Variants in DRG1 observed in about 807,000 individuals in gnomAD.
DRG1 encodes the protein developmentally regulated GTP binding protein 1.
A neutral mutation model predicts 38.8 loss-of-function variants in DRG1; 19 were observed. That is an observed-to-expected ratio of 0.49 (90% confidence interval 0.34 to 0.72). The LOEUF is 0.72. Ranked by LOEUF, DRG1 falls within the 30% of genes least tolerant of loss-of-function variation. DRG1 has a pLI of 0.01. For missense variants in DRG1, 299 were observed against 444.8 expected (o/e 0.67, Z 2.95); for synonymous variants, 167 against 157.5 (o/e 1.06, Z -0.45).
intron 8 of DRG1, among the ~76,000 whole-genome samples, chr22:31,430,836 A>G (rs1197514812): frequency 1.3e-5 from 2 of 151,540 alleles, no homozygotes; most frequent in Non-Finnish European, 1.5e-5. Flanking sequence ...CTCCTACCTC[A>G]GTTTCTGAAT....
rs544964030 is a variant in DRG1, at chr22:31,405,198, T to G, written c.342+1994T>G. On this transcript the variant is annotated intron_variant, in intron 3 of 8. Coordinates refer to ENST00000331457, the MANE Select transcript of DRG1 (RefSeq NM_004147.4). ...TTTTTTTTTTTTTTGAGACAGAGTC[T>G]TGCTGTGTCACCCAGGCTGGAGTGC... Among the ~76,000 whole-genome samples, 230 of 151,902 alleles carry G rather than the reference T, an allele frequency of 1.5e-3. 1 individual carries two copies. In the South Asian group the frequency reaches 0.016, roughly 10 times the overall value.
chr22:31,431,129 G>A, intron 8 of DRG1, among the ~76,000 whole-genome samples: 1 of 148,092 alleles, frequency 6.8e-6, no homozygotes, highest in Non-Finnish European at 1.5e-5. Flanking sequence ...CCGCCTCCCG[G>A]GTTCATGCCA....
At chr22:31,408,564 A>G (rs903596579) in intron 3 of DRG1, among the ~76,000 whole-genome samples, 3 of 151,592 alleles carry the variant, frequency 2.0e-5, no homozygotes, top group African/African-American at 4.8e-5. Context: ...CCTGGCCAAC[A>G]TGGTGAAAAC....
At chr22:31,420,562 T>C in intron 5 of DRG1, 137 bp downstream of exon 5, 1 of 1,092,612 alleles carries the variant, frequency 9.2e-7, no homozygotes, top group South Asian at 1.7e-5. Context: ...GACTTTATAA[T>C]GACTGACAAG....
intron 6 of DRG1, among the ~76,000 whole-genome samples, chr22:31,425,159 T>G (rs987699010): frequency 2.0e-5 from 3 of 152,102 alleles, no homozygotes; most frequent in African/African-American, 7.2e-5. Context: ...TTCCTTGCTT[T>G]TAAATTTAAT....
chr22:31,431,676 C>G (rs1339075390), intron 8 of DRG1, among the ~76,000 whole-genome samples: 2 of 152,108 alleles, frequency 1.3e-5, no homozygotes, highest in African/African-American at 4.8e-5. Flanking sequence ...CTCAAAAAAC[C>G]AACCAAAGAA....
intron 4 of DRG1, among the ~76,000 whole-genome samples, chr22:31,411,388 C>T (rs978425979): frequency 3.0e-4 from 45 of 152,066 alleles, no homozygotes; most frequent in African/African-American, 1.0e-3. Flanking sequence ...ATATGGCTGT[C>T]GTCTTGAGAT....
chr22:31,426,678 T>TATC lies in DRG1; in HGVS notation c.781_783dup (p.Ile261dup). The TATC allele has an allele frequency of 1.2e-6, 2 of 1,614,080 alleles. No individual in the cohort carries two copies. The highest frequency in any genetic ancestry group is 1.6e-4 in the Middle Eastern group (1 of 6,062). On this transcript the variant is annotated inframe_insertion, in exon 7 of 9. Transcript: ENST00000331457. ...ACCAAATCTCCATTGAGGAATTGGA[T>TATC]ATCATCTATAAGGTGCCTCACTGTG...
At chr22:31,403,316 A>G in intron 3 of DRG1, 112 bp downstream of exon 3, 2 of 1,150,266 alleles carry the variant, frequency 1.7e-6, no homozygotes, top group Non-Finnish European at 2.4e-6. Flanking sequence ...CCAGGCACTT[A>G]CTACCTGGTA....
intron 5 of DRG1, 128 bp from the exon 6 acceptor site, chr22:31,423,152 C>T: frequency 8.7e-7 from 1 of 1,152,178 alleles, no homozygotes; most frequent in Non-Finnish European, 1.2e-6. Flanking sequence ...CAGTGACACT[C>T]ATCCCGGATG....
At position 31,423,262 on chromosome 22, in the gene DRG1, T is replaced by C. The variant is rs1056689288; in HGVS notation, c.583-18T>C. On this transcript the variant is annotated intron_variant, in intron 5 of 8. Coordinates refer to ENST00000331457, the MANE Select transcript of DRG1 (RefSeq NM_004147.4). The stretch of plus-strand genomic sequence containing the variant: ...TTTTAAATTTTGTGCTGACTAGTCA[T>C]CTGCTATTCCCTTTCAGTGCCCCCA... 6.2e-7 allele frequency: 1 copy of C among 1,613,026 alleles called. No homozygotes were observed. The highest frequency in any genetic ancestry group is 8.5e-7 in the Non-Finnish European group (1 of 1,179,770).
intron 5 of DRG1, 144 bp from the exon 6 acceptor site, chr22:31,423,136 A>G (rs761116007): frequency 8.9e-6 from 9 of 1,006,104 alleles, no homozygotes; most frequent in Non-Finnish European, 1.2e-5. Flanking sequence ...ATTTCCTACT[A>G]AAAGTCAGTG....
At chr22:31,425,585 C>T (rs2050105667) in intron 6 of DRG1, among the ~76,000 whole-genome samples, 1 of 151,968 alleles carries the variant, frequency 6.6e-6, no homozygotes, top group African/African-American at 2.4e-5. Context: ...GGACTATGGG[C>T]GTGTGCCACC....
chr22:31,424,224 C>A (rs1349338741), intron 6 of DRG1, among the ~76,000 whole-genome samples: 3 of 151,760 alleles, frequency 2.0e-5, no homozygotes, highest in Non-Finnish European at 4.4e-5. Flanking sequence ...TCTCAGCTCA[C>A]TGTAACCTCC....
chr22:31,430,686 A>C (rs182676915), intron 8 of DRG1, among the ~76,000 whole-genome samples: 605 of 152,134 alleles, frequency 4.0e-3, no homozygotes, highest in African/African-American at 0.013. Context: ...GGCGTGAGCC[A>C]TCATGCCCGG....
chr22:31,421,891 C>G (rs13053841), intron 5 of DRG1, among the ~76,000 whole-genome samples: 8 of 151,780 alleles, frequency 5.3e-5, no homozygotes, highest in African/African-American at 1.9e-4. Context: ...CCGAGGTGGG[C>G]GGATCACAAG....
At position 31,427,173 on chromosome 22, in the gene DRG1, A is replaced by G. The variant is rs1188225160; in HGVS notation, c.995A>G (p.Glu332Gly). The G allele has an allele frequency of 3.7e-6, 6 of 1,614,070 alleles. No homozygotes were observed. Among genetic ancestry groups the G allele is most frequent in the Non-Finnish European group, 5.1e-6 (6 of 1,179,974 alleles). The change falls in exon 8 of 9, where the codon GAA (glutamate) becomes GGA (glycine). Residue 332 changes from glutamate (E) to glycine (G), a missense_variant. Transcript: ENST00000331457. Reference protein sequence around the residue: ...CMKIHKNLIKEFKYALVWGLS... With the variant: ...CMKIHKNLIKGFKYALVWGLS... ...AAGATTCACAAAAATCTTATCAAAG[A>G]ATTTAAATAGTAAGTATCATGGGCC...
chr22:31,404,074 C>T lies in DRG1; in HGVS notation c.342+870C>T, dbSNP rs187831175. 3.6e-3 allele frequency among the ~76,000 whole-genome samples: 516 copies of T among 144,466 alleles called. 1 individual carries two copies. The highest frequency in any genetic ancestry group is 4.2e-3 in the Non-Finnish European group (283 of 67,060). 94.8% of individuals were successfully genotyped at this position (144,466 alleles called of 152,430 possible). A position where few individuals can be genotyped will look rare whatever the true frequency, so the allele number is the denominator to read the frequency against. On this transcript the variant is annotated intron_variant, in intron 3 of 8. Coordinates refer to ENST00000331457, the MANE Select transcript of DRG1 (RefSeq NM_004147.4). ...TAGAGAGTTGCTTAACTCCTCTCCT[C>T]TTTCCCAGAAAACCTTCACTCATTT...
At chr22:31,425,527 A>C (rs2050105294) in intron 6 of DRG1, among the ~76,000 whole-genome samples, 1 of 150,682 alleles carries the variant, frequency 6.6e-6, no homozygotes, top group Non-Finnish European at 1.5e-5. Context: ...CGCAGCCTTG[A>C]ACTCCCGGGC....
Sources: allele counts gnomAD v4.1 joint callset (sites outside exome capture counted in the v4.1 genomes callset), GRCh38; gene constraint gnomAD v4.1.1; transcripts MANE v1.5; gene names NCBI Gene and HGNC (gene_info 2026-07-23, HGNC 2026-07-21).